PHC1: variants seen among roughly 807,000 people sequenced by gnomAD.
PHC1 encodes the protein polyhomeotic-like protein 1.
A neutral mutation model predicts 104.3 loss-of-function variants in PHC1; 12 were observed. That is an observed-to-expected ratio of 0.12 (90% CI 0.07 to 0.19). The LOEUF (loss-of-function observed/expected upper bound fraction) is 0.19, where lower values mean the gene tolerates loss of function less well. Ranked by LOEUF, PHC1 falls within the 10% of genes least tolerant of loss-of-function variation. The pLI is 1.00. For missense variants in PHC1, 671 were observed against 1,200.0 expected (o/e 0.56, Z 6.51); for synonymous variants, 302 against 455.8 (o/e 0.66, Z 4.30).
At position 8,930,833 on chromosome 12, in the gene PHC1, G is replaced by T; in HGVS notation, c.1011G>T (p.Lys337Asn). 5.2e-6 allele frequency: 8 copies of T among 1,536,612 alleles called. No homozygotes were observed. Among genetic ancestry groups the T allele is most frequent in the Non-Finnish European group, 7.1e-6 (8 of 1,132,828 alleles). Reference protein sequence around the residue: ...SQTEAESAAAKKAEADGSGQQ... With the variant: ...SQTEAESAAANKAEADGSGQQ... The stretch of plus-strand genomic sequence containing the variant: ...CAGAGGCAGAAAGTGCAGCAGCCAA[G>T]AAGGCAGAAGCAGATGGGAGTGGCC... The change falls in exon 7 of 15, where the codon AAG becomes AAT. Residue 337 changes from lysine to asparagine, a missense_variant. This residue lies in a region of PHC1 where 78 missense variants were observed against 140.8 expected (regional missense o/e 0.55). Coordinates refer to ENST00000544916, the MANE Select transcript of PHC1 (RefSeq NM_004426.3).
At position 8,935,226 on chromosome 12, in the gene PHC1, A is replaced by G; in HGVS notation, c.2356A>G (p.Ser786Gly). 3 of 1,566,698 alleles carry G rather than the reference A, an allele frequency of 1.9e-6. No homozygotes were observed. The highest frequency in any genetic ancestry group is 2.6e-6 in the Non-Finnish European group (3 of 1,146,118). The change falls in exon 11 of 15, where the codon AGC becomes GGC. Residue 786 changes from serine (S) to glycine (G), a missense_variant. Physicochemically the swap from Ser to Gly is moderately conservative, Grantham distance 56 (BLOSUM62 0). Around this residue, in one of 9 missense-constraint regions of PHC1, gnomAD observed 192 missense variants for 280.5 expected, o/e 0.68. Coordinates refer to ENST00000544916, the MANE Select transcript of PHC1 (RefSeq NM_004426.3). ...GTCAGGTGGCCCTTTGGGAGTGGAC[A>G]GCCCATCTGCTGGTGAGCATTTATT... ...NQSGGPLGVD[S>G]PSAELDKKAN...
Position 8,920,945 on chromosome 12 carries a change from A to G in PHC1, c.226-40A>G, listed in dbSNP as rs367664770. 2.9e-6 allele frequency: 4 copies of G among 1,396,018 alleles called. No individual in the cohort carries two copies. In the African/African-American group the frequency reaches 4.3e-5, roughly 15 times the overall value. The allele number at this position is 1,396,018 out of a possible 1,614,324, so 86.5% of individuals were successfully genotyped here. On this transcript the variant is annotated intron_variant, in intron 3 of 14. Transcript: ENST00000544916. ...TAGAAGACTGAGAGCTTTTTCCTTC[A>G]CTGTCTTTGCTATTTCTTGTTTCCC...
intron 14 of PHC1, 130 bp downstream of exon 14, chr12:8,938,190 C>T (rs1945896696): frequency 1.6e-6 from 1 of 626,822 alleles, no homozygotes; most frequent in Admixed American, 2.9e-5. Flanking sequence ...GGCTCTACTC[C>T]TAATATTCAA....
intron 9 of PHC1, 127 bp downstream of exon 9, chr12:8,934,139 A>T: frequency 7.5e-7 from 1 of 1,328,746 alleles, no homozygotes; most frequent in South Asian, 1.3e-5. Flanking sequence ...AATAGATCCA[A>T]AAACAGGGAA....
chr12:8,939,145 C>T (rs1022951064), intron 14 of PHC1, among the ~76,000 whole-genome samples, 160 bp from the exon 15 acceptor site: 10 of 152,168 alleles, frequency 6.6e-5, no homozygotes, highest in Non-Finnish European at 1.3e-4. Flanking sequence ...ATACCAGTTG[C>T]TTTCTAATTT....
chr12:8,916,189 ATTT>A (rs1293406981), intron 1 of PHC1: 1 of 153,612 alleles, frequency 6.5e-6, no homozygotes, highest in African/African-American at 2.4e-5. Context: ...TTGCAGTGAC[ATTT>A]GCTAGTCCTA....
At chr12:8,934,118 G>A (rs1036192568) in intron 9 of PHC1, 106 bp downstream of exon 9, 36 of 1,391,724 alleles carry the variant, frequency 2.6e-5, no homozygotes, top group Non-Finnish European at 3.2e-5. Context: ...CCAGAAGTTG[G>A]TGGACAAATG....
Position 8,917,715 on chromosome 12 carries a change from A to G in PHC1, c.38A>G (p.Asn13Ser), listed in dbSNP as rs142100404. 4.5e-5 allele frequency: 71 copies of G among 1,571,184 alleles called. No homozygotes were observed. The highest frequency in any genetic ancestry group is 9.5e-5 in the Admixed American group (5 of 52,416). Residue 13 changes from asparagine to serine, a missense_variant, in exon 2 of 15, where the codon AAT becomes AGT. Asn to Ser is a conservative substitution (Grantham distance 46). This residue lies in a region of PHC1 where 237 missense variants were observed against 331.1 expected (regional missense o/e 0.72). Transcript: ENST00000544916. ...AGCGAGCAGAACTCCAATTCCACCA[A>G]TGGGAGTTCTAGCTCAGGGGGCAGC... is the stretch of plus-strand genomic sequence containing the variant. The part of the protein sequence containing the change: ...TESEQNSNST[N>S]GSSSSGGSSR...
intron 3 of PHC1, 195 bp downstream of exon 3, chr12:8,920,061 A>G: frequency 1.2e-6 from 1 of 811,498 alleles, no homozygotes; most frequent in Non-Finnish European, 1.9e-6. Context: ...ATCACTTTTT[A>G]GGTATAGAGT....
chr12:8,929,967 T>C (rs76815339), intron 6 of PHC1, among the ~76,000 whole-genome samples: 1,556 of 152,324 alleles, frequency 0.01, 26 homozygotes, highest in African/African-American at 0.035. Flanking sequence ...TTAGTTGATA[T>C]TCCTTCTCTG....
At position 8,938,027 on chromosome 12, in the gene PHC1, G is replaced by A. The variant is rs771777588; in HGVS notation, c.2827G>A (p.Glu943Lys). The A allele has an allele frequency of 6.2e-7, 1 of 1,608,054 alleles. No homozygotes were observed. Among genetic ancestry groups the A allele is most frequent in the Non-Finnish European group, 8.5e-7 (1 of 1,175,320 alleles). The change falls in exon 14 of 15, where the codon GAG (glutamate) becomes AAG (lysine). Residue 943 changes from glutamate (E) to lysine (K), a missense_variant. Physicochemically the swap from Glu to Lys is moderately conservative, Grantham distance 56. Transcript: ENST00000544916. ...CAGTAATCCCAGCCGTTGGAGTGTA[G>A]AGGAGGTGTACGAGTTTATTGCTTC... ...LSSNPSRWSVEEVYEFIASLQ... is the reference protein window; with the variant it reads ...LSSNPSRWSVKEVYEFIASLQ...
At chr12:8,921,461 G>C in intron 4 of PHC1, 140 bp from the exon 5 acceptor site, 1 of 782,456 alleles carries the variant, frequency 1.3e-6, no homozygotes, top group Non-Finnish European at 2.1e-6. Context: ...TTTTGGATAT[G>C]AAGACATTAT....
intron 8 of PHC1, 40 bp from the exon 9 acceptor site, chr12:8,933,825 T>A: frequency 2.6e-6 from 4 of 1,560,638 alleles, no homozygotes; most frequent in South Asian, 1.1e-5. Context: ...TTATCCTTCA[T>A]TTGTACATCT....
intron 6 of PHC1, among the ~76,000 whole-genome samples, chr12:8,925,080 A>AC (rs1186929552): frequency 6.6e-6 from 1 of 152,216 alleles, no homozygotes; most frequent in Admixed American, 6.5e-5. Flanking sequence ...ATGTGGAGGA[A>AC]CAGAGGGCAG....
chr12:8,937,143 C>G (rs1464127449), intron 12 of PHC1, 33 bp from the exon 13 acceptor site: 1 of 1,591,180 alleles, frequency 6.3e-7, no homozygotes, highest in Non-Finnish European at 8.6e-7. Flanking sequence ...TTCTGTGGCA[C>G]TATTGACATC....
chr12:8,915,564 A>T (rs1326053863), intron 1 of PHC1, among the ~76,000 whole-genome samples: 1 of 152,112 alleles, frequency 6.6e-6, no homozygotes, highest in Non-Finnish European at 1.5e-5. Flanking sequence ...ATGTATGCCC[A>T]CATGCTACCT....
At position 8,939,710 on chromosome 12, in the gene PHC1, A is replaced by G. The variant is rs1298467362; in HGVS notation, c.*251A>G. Reference sequence around the variant, plus strand: ...CAGTTCTCACCATTTCACGTACCTTAATCCAATCTTTATAAAAGAGGCAGT... The same window carrying G: ...CAGTTCTCACCATTTCACGTACCTTGATCCAATCTTTATAAAAGAGGCAGT... On this transcript the variant is annotated 3_prime_UTR_variant, in exon 15 of 15. Transcript: ENST00000544916. 2.2e-6 allele frequency: 1 copy of G among 444,658 alleles called. No individual in the cohort carries two copies. Among genetic ancestry groups the G allele is most frequent in the Admixed American group, 3.3e-5 (1 of 30,280 alleles). The allele number at this position is 444,658 out of a possible 1,614,324, so 27.5% of individuals were successfully genotyped here.
At chr12:8,921,891 G>A (rs1007193801) in intron 5 of PHC1, 141 bp downstream of exon 5, 15 of 744,020 alleles carry the variant, frequency 2.0e-5, no homozygotes, top group Admixed American at 3.2e-5. Flanking sequence ...ATGGCTCACT[G>A]CAGCCTCTGC....
intron 13 of PHC1, 99 bp from the exon 14 acceptor site, chr12:8,937,730 G>C: frequency 1.2e-6 from 1 of 808,528 alleles, no homozygotes; most frequent in Non-Finnish European, 2.0e-6. Flanking sequence ...ATGATAAGAT[G>C]AGTTTTTCTT....
Sources: allele counts gnomAD v4.1 joint callset (sites outside exome capture counted in the v4.1 genomes callset), GRCh38; gene constraint gnomAD v4.1.1; regional missense constraint gnomAD v4.1.1; transcripts MANE v1.5; gene names NCBI Gene and HGNC (gene_info 2026-07-23, HGNC 2026-07-21).